The following SGSM2 variants were observed in gnomAD, a reference collection of about 807,000 sequenced individuals.
The protein encoded by SGSM2 is small G protein signaling modulator 2, also known as RUN and TBC1 domain containing 1.
Under a neutral mutation model 126.6 loss-of-function variants are expected in SGSM2, and 89 were observed. The observed-to-expected ratio is 0.70, with a 90% confidence interval of 0.59 to 0.84. The LOEUF is 0.84. SGSM2 is among the 40% of genes least tolerant of loss of function. The probability of loss-of-function intolerance (pLI) is 0.00; values close to 1 mark genes in which losing one functional copy is unlikely to be tolerated. For missense variants in SGSM2, 1,404 were observed against 1,416.6 expected (o/e 0.99, Z 0.14); for synonymous variants, 614 against 574.3 (o/e 1.07, Z -0.99).
intron 17 of SGSM2, 90 bp downstream of exon 17, chr17:2,373,603 G>A (rs2065988995): frequency 4.9e-6 from 6 of 1,229,238 alleles, no homozygotes; most frequent in African/African-American, 1.5e-5. Flanking sequence ...TGACCTCTGG[G>A]AACTGGTGGG....
intron 1 of SGSM2, among the ~76,000 whole-genome samples, chr17:2,341,980 A>G (rs12938888): frequency 7.9e-5 from 12 of 152,222 alleles, no homozygotes; most frequent in Non-Finnish European, 1.5e-4. Context: ...AGAGTGAACA[A>G]CCTACAACTG....
chr17:2,369,155 TG>T (rs2065739893), intron 12 of SGSM2, among the ~76,000 whole-genome samples: 2 of 152,070 alleles, frequency 1.3e-5, no homozygotes, highest in South Asian at 4.2e-4. Context: ...GGCTGGGGAA[TG>T]GGGGCCCCCC....
At position 2,362,092 on chromosome 17, in the gene SGSM2, C is replaced by T. The variant is rs986275076; in HGVS notation, c.297-17C>T. Reference sequence around the variant, plus strand: ...CCCTAGACCACTGCACTCCTGGAGCCCTCCCCGCCTTTGCAGGAAACCCTC... The same window carrying T: ...CCCTAGACCACTGCACTCCTGGAGCTCTCCCCGCCTTTGCAGGAAACCCTC... On this transcript the variant is annotated splice_polypyrimidine_tract_variant and intron_variant, in intron 3 of 23. Transcript: ENST00000268989. The surrounding 1 kb of genome is among the most constrained non-coding windows in gnomAD (Gnocchi z 4.9). 1.2e-6 allele frequency: 2 copies of T among 1,605,196 alleles called. No homozygotes were observed. Among genetic ancestry groups the T allele is most frequent in the Non-Finnish European group, 1.7e-6 (2 of 1,176,872 alleles).
intron 2 of SGSM2, among the ~76,000 whole-genome samples, chr17:2,344,731 G>A (rs2064520925): frequency 6.6e-6 from 1 of 152,202 alleles, no homozygotes; most frequent in African/African-American, 2.4e-5. Context: ...AGGGCAGTCG[G>A]AGAGGCAGCC....
At position 2,363,100 on chromosome 17, in the gene SGSM2, G is replaced by T. The variant is rs774147456; in HGVS notation, c.638G>T (p.Arg213Leu). The change falls in exon 6 of 24, where the codon CGC (arginine) becomes CTC (leucine). Residue 213 changes from arginine (R) to leucine (L), a missense_variant. By Grantham distance (102) the Arg-to-Leu change is moderately radical (BLOSUM62 -2). Transcript: ENST00000268989. The surrounding 1 kb of genome is among the most constrained non-coding windows in gnomAD (Gnocchi z 4.2). The stretch of plus-strand genomic sequence containing the variant: ...CACCGCATCCGGGGTCCACCTACTC[G>T]CCAGGACTCCCCTGCAAAGCGCCCA... The part of the protein sequence containing the change: ...QRHRIRGPPT[R>L]QDSPAKRPAL... 1.2e-6 allele frequency: 2 copies of T among 1,611,602 alleles called. No homozygotes were observed. The highest frequency in any genetic ancestry group is 2.2e-5 in the East Asian group (1 of 44,824).
At chr17:2,342,308 C>T (rs754089434) in intron 1 of SGSM2, among the ~76,000 whole-genome samples, 1 of 151,634 alleles carries the variant, frequency 6.6e-6, no homozygotes, top group East Asian at 1.9e-4. Flanking sequence ...CCTGTAATCC[C>T]GGCTACTGTG....
At chr17:2,359,983 C>T (rs1197253470) in intron 2 of SGSM2, among the ~76,000 whole-genome samples, 2 of 152,134 alleles carry the variant, frequency 1.3e-5, no homozygotes, top group Non-Finnish European at 2.9e-5. Flanking sequence ...CCCAGGGCCA[C>T]ACAAGACCTC....
chr17:2,353,120 G>T (rs996624414), intron 2 of SGSM2, among the ~76,000 whole-genome samples: 3 of 152,008 alleles, frequency 2.0e-5, no homozygotes, highest in African/African-American at 7.3e-5. Flanking sequence ...TCATTTCTGT[G>T]AGCTCCTGAG....
chr17:2,363,673 T>A lies in SGSM2; in HGVS notation c.807+74T>A, dbSNP rs1240751778. On this transcript the variant is annotated intron_variant, in intron 7 of 23. Coordinates refer to ENST00000268989, the MANE Select transcript of SGSM2 (RefSeq NM_014853.3). The surrounding 1 kb of genome is among the most constrained non-coding windows in gnomAD (Gnocchi z 4.2). ...ACGACTGGAAGCCTCTAGCCATGGC[T>A]ATTCCTTTCCTGAGGAGCTTGACCA... The A allele has an allele frequency of 6.4e-7, 1 of 1,573,046 alleles. No homozygotes were observed. The highest frequency in any genetic ancestry group is 1.2e-5 in the South Asian group (1 of 86,880).
At chr17:2,376,423 C>A in intron 19 of SGSM2, 162 bp downstream of exon 19, 1 of 826,418 alleles carries the variant, frequency 1.2e-6, no homozygotes, top group Non-Finnish European at 1.9e-6. Context: ...CTCCCCCGCG[C>A]CTCTTCATTC....
At position 2,372,556 on chromosome 17, in the gene SGSM2, G is replaced by A. The variant is rs760672820; in HGVS notation, c.1788+68G>A. On this transcript the variant is annotated intron_variant, in intron 15 of 23. Coordinates refer to ENST00000268989, the MANE Select transcript of SGSM2 (RefSeq NM_014853.3). This position sits in a 1 kb window ranked among gnomAD's most constrained non-coding sequence, Gnocchi z 6.0. ...GGCGGGCAGGAGTGAGGGCTTCAGG[G>A]TAAAATGTGCCAGTGGGTGCGGTTG... The A allele has an allele frequency of 5.1e-6, 8 of 1,562,982 alleles. No individual in the cohort carries two copies. The highest frequency in any genetic ancestry group is 6.9e-6 in the Non-Finnish European group (8 of 1,157,360).
Position 2,343,527 on chromosome 17 carries a change from C to T in SGSM2, c.58-18C>T, listed in dbSNP as rs762469682. ...AGGGAAAATAATAAAAGCAGTGATGCTGTCCATGTGTCCGCAGGTGAAGCA... is the reference window on the plus strand; with the variant it reads ...AGGGAAAATAATAAAAGCAGTGATGTTGTCCATGTGTCCGCAGGTGAAGCA... On this transcript the variant is annotated intron_variant, in intron 1 of 23. Coordinates refer to ENST00000268989, the MANE Select transcript of SGSM2 (RefSeq NM_014853.3). The T allele has an allele frequency of 2.5e-6, 4 of 1,613,054 alleles. No homozygotes were observed. The highest frequency in any genetic ancestry group is 3.3e-5 in the Admixed American group (2 of 60,024).
In SGSM2 at chr17:2,364,670, C is replaced by T; in HGVS notation, c.1000+7C>T. 2 of 1,614,156 alleles carry T rather than the reference C, an allele frequency of 1.2e-6. No homozygotes were observed. Among genetic ancestry groups the T allele is most frequent in the Non-Finnish European group, 1.7e-6 (2 of 1,180,002 alleles). ...ATCCACTGCCACCAGCAAAGTAAGC[C>T]TGCCTTGTCCTCGGCTCGGGTGGGA... is the stretch of plus-strand genomic sequence containing the variant. On this transcript the variant is annotated splice_region_variant and intron_variant, in intron 9 of 23. Coordinates refer to ENST00000268989, the MANE Select transcript of SGSM2 (RefSeq NM_014853.3).
chr17:2,376,068 C>CGTCA, intron 18 of SGSM2, 69 bp from the exon 19 acceptor site: 1 of 1,603,000 alleles, frequency 6.2e-7, no homozygotes. Flanking sequence ...TTTCTTGGGG[C>CGTCA]GTCACCTCCT....
At chr17:2,366,561 C>A (rs925037314) in intron 11 of SGSM2, 4 of 152,326 alleles carry the variant, frequency 2.6e-5, no homozygotes, top group Non-Finnish European at 4.4e-5. Flanking sequence ...TCCCCCCTTC[C>A]CAGATGTACC....
Position 2,372,870 on chromosome 17 carries a change from C to T in SGSM2, c.1789-83C>T. ...CAGTCACTACAGGCCCCGCCCCAGC[C>T]CATTCTCCGTGGGATGGGGCTCACC... On this transcript the variant is annotated intron_variant, in intron 15 of 23. Transcript: ENST00000268989. This position sits in a 1 kb window ranked among gnomAD's most constrained non-coding sequence, Gnocchi z 6.0. The T allele has an allele frequency of 6.6e-7, 1 of 1,511,252 alleles. No individual in the cohort carries two copies. The highest frequency in any genetic ancestry group is 8.9e-7 in the Non-Finnish European group (1 of 1,124,502). The allele number at this position is 1,511,252 out of a possible 1,614,324, so 93.6% of individuals were successfully genotyped here.
chr17:2,358,128 G>A (rs2065155911), intron 2 of SGSM2, among the ~76,000 whole-genome samples: 1 of 152,204 alleles, frequency 6.6e-6, no homozygotes, highest in Non-Finnish European at 1.5e-5. Context: ...GTCACAGTGG[G>A]GACCTGGGGA....
chr17:2,376,480 C>T, intron 19 of SGSM2: 1 of 670,600 alleles, frequency 1.5e-6, no homozygotes, highest in Non-Finnish European at 2.5e-6. Context: ...CTTCAGGAAG[C>T]TTTCCCTCAT....
Position 2,379,169 on chromosome 17 carries a change from C to T in SGSM2, c.3033C>T (p.Asn1011=), listed in dbSNP as rs2066311401. The T allele has an allele frequency of 1.2e-6, 2 of 1,614,192 alleles. No individual in the cohort carries two copies. The highest frequency in any genetic ancestry group is 1.7e-5 in the Admixed American group (1 of 60,028). The change falls in exon 23 of 24, where the codon AAC becomes AAT. Residue 1011 remains asparagine, a synonymous_variant. Coordinates refer to ENST00000268989, the MANE Select transcript of SGSM2 (RefSeq NM_014853.3). ...EAYREIIRDN[N]MDFTDIIKFF... ...ACCGAGAGATCATCCGTGACAACAA[C>T]ATGGACTTCACTGACATCATCAAGT...
Sources: allele counts gnomAD v4.1 joint callset (sites outside exome capture counted in the v4.1 genomes callset), GRCh38; gene constraint gnomAD v4.1.1; non-coding constraint Gnocchi (gnomAD v3.1); transcripts MANE v1.5; gene names NCBI Gene and HGNC (gene_info 2026-07-23, HGNC 2026-07-21).